IQCM: variants seen among roughly 807,000 people sequenced by gnomAD.
IQCM encodes the protein IQ domain-containing protein M.
Under a neutral mutation model 57.6 loss-of-function variants are expected in IQCM, and 45 were observed. That is an observed-to-expected ratio of 0.78 (90% CI 0.62 to 1.00). The LOEUF (loss-of-function observed/expected upper bound fraction) is 1.00, where lower values mean the gene tolerates loss of function less well. Ranked by LOEUF, IQCM falls within the 50% of genes least tolerant of loss-of-function variation. IQCM has a pLI of 0.00. For missense variants in IQCM, 468 were observed against 511.6 expected, an observed-to-expected ratio of 0.91 and a Z score of 0.82; for synonymous variants, 148 against 158.9, an observed-to-expected ratio of 0.93 and a Z score of 0.51.
intron 12 of IQCM, among the ~76,000 whole-genome samples, chr4:149,500,775 T>C (rs1743157618): frequency 6.6e-6 from 1 of 152,130 alleles, no homozygotes; most frequent in Admixed American, 6.6e-5. Context: ...TCAATACTAG[T>C]TCCTTTTTTT....
intron 12 of IQCM, 108 bp downstream of exon 12, chr4:149,548,347 A>G: frequency 1.1e-6 from 1 of 909,074 alleles, no homozygotes; most frequent in Non-Finnish European, 1.4e-6. Context: ...AGTAAAAGTA[A>G]GGGAAGGAAT....
intron 7 of IQCM, among the ~76,000 whole-genome samples, chr4:149,661,953 A>T (rs1760258975): frequency 6.6e-6 from 1 of 151,250 alleles, no homozygotes; most frequent in Non-Finnish European, 1.5e-5. Flanking sequence ...TTTTGCTCTG[A>T]GATTTATTAT....
At chr4:149,474,932 T>C (rs1740017244) in intron 12 of IQCM, among the ~76,000 whole-genome samples, 1 of 151,766 alleles carries the variant, frequency 6.6e-6, no homozygotes, top group Non-Finnish European at 1.5e-5. Context: ...AGGAGGAAAG[T>C]AATAAGAGTT....
chr4:149,630,885 T>C (rs1757209054), intron 7 of IQCM, among the ~76,000 whole-genome samples: 1 of 152,160 alleles, frequency 6.6e-6, no homozygotes, highest in Non-Finnish European at 1.5e-5. Flanking sequence ...AGACTGCTAC[T>C]CTTAGCAACA....
intron 5 of IQCM, among the ~76,000 whole-genome samples, chr4:149,711,686 A>G (rs1764570044): frequency 7.0e-6 from 1 of 142,980 alleles, no homozygotes; most frequent in East Asian, 2.0e-4. Context: ...AAAATAAAAA[A>G]GCAAAGGTCA....
chr4:149,598,878 G>C (rs549741333), intron 8 of IQCM, among the ~76,000 whole-genome samples: 1 of 152,270 alleles, frequency 6.6e-6, no homozygotes, highest in African/African-American at 2.4e-5. Context: ...AGGGATTATA[G>C]GAGTTGGTGG....
intron 12 of IQCM, among the ~76,000 whole-genome samples, chr4:149,512,441 A>G (rs1744524869): frequency 6.6e-6 from 1 of 152,210 alleles, no homozygotes; most frequent in Admixed American, 6.5e-5. Context: ...AGAACTCTTT[A>G]TTACAGATAC....
intron 13 of IQCM, among the ~76,000 whole-genome samples, chr4:149,372,353 T>C (rs764971236): frequency 6.6e-6 from 1 of 152,094 alleles, no homozygotes; most frequent in East Asian, 1.9e-4. Context: ...AAAATAAGTG[T>C]TTAATATAAG....
intron 12 of IQCM, among the ~76,000 whole-genome samples, chr4:149,521,339 AG>A (rs1745621010): frequency 6.6e-6 from 1 of 152,172 alleles, no homozygotes; most frequent in African/African-American, 2.4e-5. Flanking sequence ...GAAGGGAGGG[AG>A]GGGAAAAATA....
rs537325172 is a variant in IQCM, at chr4:149,744,740, C to T, written c.-48-2001G>A. On this transcript the variant is annotated intron_variant, in intron 2 of 13. Transcript: ENST00000636793. ...ACTTTAAGTCTCCAGCAGACAGTTACGAGATGCTGAGTCCTTCCTAATGCA... is the reference window on the plus strand; with the variant it reads ...ACTTTAAGTCTCCAGCAGACAGTTATGAGATGCTGAGTCCTTCCTAATGCA... Among the ~76,000 whole-genome samples the T allele has an allele frequency of 1.1e-4, 17 of 152,006 alleles. No homozygotes were observed. In the South Asian group the frequency reaches 2.5e-3, roughly 22 times the overall value.
At chr4:149,473,843 G>C (rs1234755680) in intron 12 of IQCM, among the ~76,000 whole-genome samples, 1 of 152,160 alleles carries the variant, frequency 6.6e-6, no homozygotes, top group African/African-American at 2.4e-5. Context: ...GATGAAGCTG[G>C]AAACCATTAT....
intron 12 of IQCM, among the ~76,000 whole-genome samples, chr4:149,504,303 G>A (rs867748697): frequency 6.6e-5 from 10 of 152,160 alleles, no homozygotes; most frequent in East Asian, 3.9e-4. Context: ...AAATTACTGC[G>A]CAAAATGAAT....
chr4:149,595,708 GA>G (rs542989036), intron 8 of IQCM, among the ~76,000 whole-genome samples: 13 of 152,192 alleles, frequency 8.5e-5, no homozygotes, highest in Non-Finnish European at 1.3e-4. Context: ...ATCTTTCTGA[GA>G]TTTTTCACAA....
At chr4:149,378,583 G>T (rs1730857152) in intron 13 of IQCM, among the ~76,000 whole-genome samples, 1 of 152,138 alleles carries the variant, frequency 6.6e-6, no homozygotes, top group Non-Finnish European at 1.5e-5. Context: ...ACTTGAGAGA[G>T]AGAACTTAGG....
chr4:149,693,886 T>C (rs1763118717), intron 5 of IQCM, among the ~76,000 whole-genome samples: 1 of 152,338 alleles, frequency 6.6e-6, no homozygotes, highest in South Asian at 2.1e-4. Context: ...ATTTAATTGT[T>C]CCCCATTTTG....
Position 149,654,813 on chromosome 4 carries a change from T to C in IQCM, c.565+27305A>G, listed in dbSNP as rs373800108. 2.6e-5 allele frequency among the ~76,000 whole-genome samples: 4 copies of C among 152,290 alleles called. 1 individual carries two copies. The South Asian group carries it at 8.3e-4, about 32-fold the overall frequency. ...AGCACTTGAAATGTGGCCAGTATGATTTAAGATATGCTGTAAATTAAATAA... is the reference window on the plus strand; with the variant it reads ...AGCACTTGAAATGTGGCCAGTATGACTTAAGATATGCTGTAAATTAAATAA... On this transcript the variant is annotated intron_variant, in intron 7 of 13. Coordinates refer to ENST00000636793, the MANE Select transcript of IQCM (RefSeq NM_001363507.2).
intron 5 of IQCM, among the ~76,000 whole-genome samples, chr4:149,686,756 T>C (rs1311879920): frequency 6.6e-6 from 1 of 151,552 alleles, no homozygotes; most frequent in African/African-American, 2.4e-5. Flanking sequence ...GCATAGCATA[T>C]ACCGATGAAT....
chr4:149,500,355 T>C (rs1174919020), intron 12 of IQCM, among the ~76,000 whole-genome samples: 1 of 152,174 alleles, frequency 6.6e-6, no homozygotes, highest in Admixed American at 6.6e-5. Context: ...AAACCTTCTT[T>C]CTATTCATCT....
chr4:149,451,625 AT>A (rs1215559848), intron 12 of IQCM, among the ~76,000 whole-genome samples: 2 of 151,830 alleles, frequency 1.3e-5, no homozygotes, highest in African/African-American at 4.8e-5. Flanking sequence ...AATCAATTAA[AT>A]TCATCATGTT....
Sources: gnomAD v4.1 joint callset for allele counts (sites outside exome capture counted in the v4.1 genomes callset) on GRCh38, gnomAD v4.1.1 for gene constraint, MANE v1.5 for transcripts, NCBI Gene and HGNC (gene_info 2026-07-23, HGNC 2026-07-21) for gene names.